The following HSPA12A variants were observed in gnomAD, a reference collection of about 807,000 sequenced individuals.
HSPA12A encodes the protein heat shock protein family A (Hsp70) member 12A, also known as heat shock 70 kDa protein 12A.
A neutral mutation model predicts 69.2 loss-of-function variants in HSPA12A; 28 were observed. The ratio of observed to expected loss-of-function variants is 0.40; its 90% CI spans 0.30 to 0.55. HSPA12A has a LOEUF of 0.55. Ranked by LOEUF, HSPA12A falls within the 20% of genes least tolerant of loss-of-function variation. The pLI, the probability that HSPA12A is intolerant of heterozygous loss-of-function variation, is 0.38. For synonymous variants in HSPA12A, 345 were observed against 370.5 expected (o/e 0.93, Z 0.79); for missense variants, 686 against 900.7 (o/e 0.76, Z 3.05).
upstream of HSPA12A, among the ~76,000 whole-genome samples, chr10:116,745,779 G>A (rs1273871248): frequency 1.3e-5 from 2 of 152,022 alleles, no homozygotes; most frequent in African/African-American, 4.8e-5. Flanking sequence ...ATCACATGAG[G>A]CCCCTCCTCT....
At chr10:116,835,080 T>C (rs1845685144) in intron 1 of HSPA12A, 1 of 1,109,812 alleles carries the variant, frequency 9.0e-7, no homozygotes, top group African/African-American at 1.6e-5. Context: ...TCCATGTTGC[T>C]CTTAAGTCGC....
At chr10:116,737,485 G>C (rs1851350451) in intron 1 of HSPA12A, among the ~76,000 whole-genome samples, 2 of 152,174 alleles carry the variant, frequency 1.3e-5, no homozygotes, top group South Asian at 4.1e-4. Context: ...CATCCGTCTT[G>C]AGGCCCGGAT....
chr10:116,807,754 T>A (rs1238775679), intron 2 of HSPA12A, among the ~76,000 whole-genome samples: 2 of 152,210 alleles, frequency 1.3e-5, no homozygotes, highest in Non-Finnish European at 2.9e-5. Context: ...CTGCAGCCGT[T>A]CAGCCCCAAT....
chr10:116,707,245 A>T lies in HSPA12A; in HGVS notation c.81T>A (p.Ser27Arg). The T allele has an allele frequency of 1.2e-6, 2 of 1,612,992 alleles. No homozygotes were observed. The highest frequency in any genetic ancestry group is 1.7e-6 in the Non-Finnish European group (2 of 1,179,746). Residue 27 changes from serine to arginine, a missense_variant, in exon 2 of 12, where the codon AGT (serine) becomes AGA (arginine). Physicochemically the swap from Ser to Arg is moderately radical, Grantham distance 110. Coordinates refer to ENST00000369209, the MANE Select transcript of HSPA12A (RefSeq NM_025015.3). ...GAGGCGTTATTCCTGTGTCCCCAAG[A>T]CTCCGGGCTGGAGATGAATATGCAG... is the stretch of plus-strand genomic sequence containing the variant. ...PTSAYSSPAR[S>R]LGDTGITPLS...
chr10:116,822,986 G>A (rs961495576), intron 2 of HSPA12A, among the ~76,000 whole-genome samples: 1 of 152,216 alleles, frequency 6.6e-6, no homozygotes, highest in African/African-American at 2.4e-5. Flanking sequence ...TTGTTGACAT[G>A]AGTCAATGGT....
chr10:116,750,951 T>C (rs1294025187), intron 2 of HSPA12A, among the ~76,000 whole-genome samples: 1 of 149,608 alleles, frequency 6.7e-6, no homozygotes, highest in Non-Finnish European at 1.5e-5. Context: ...CCAACTTGAG[T>C]GACAGAGCAA....
intron 5 of HSPA12A, among the ~76,000 whole-genome samples, chr10:116,696,296 C>G (rs1006437112): frequency 6.6e-6 from 1 of 152,178 alleles, no homozygotes; most frequent in Admixed American, 6.5e-5. Context: ...CCACCCAAAT[C>G]TCACCTTGAA....
chr10:116,715,939 C>G (rs1850588686), intron 1 of HSPA12A, among the ~76,000 whole-genome samples: 1 of 152,172 alleles, frequency 6.6e-6, no homozygotes, highest in Non-Finnish European at 1.5e-5. Flanking sequence ...GCTGGTCGGC[C>G]CAGTAGACCA....
At chr10:116,716,298 C>G (rs1228322122) in intron 1 of HSPA12A, among the ~76,000 whole-genome samples, 5 of 152,160 alleles carry the variant, frequency 3.3e-5, no homozygotes, top group Admixed American at 6.5e-5. Context: ...GATCCCAATG[C>G]CATATGGGAG....
chr10:116,691,422 G>A (rs1849734935), intron 6 of HSPA12A, among the ~76,000 whole-genome samples: 3 of 152,174 alleles, frequency 2.0e-5, no homozygotes, highest in Admixed American at 2.0e-4. Context: ...TCAGAGGTAC[G>A]TCTCCTGGGA....
intron 1 of HSPA12A, chr10:116,849,424 G>A (rs1845983548): frequency 8.4e-7 from 1 of 1,195,952 alleles, no homozygotes; most frequent in South Asian, 2.0e-5. Context: ...CCAATAAAAG[G>A]GAACGACTTT....
chr10:116,687,708 A>G (rs527762685), intron 6 of HSPA12A, among the ~76,000 whole-genome samples: 3 of 152,260 alleles, frequency 2.0e-5, no homozygotes, highest in Non-Finnish European at 1.5e-5. Flanking sequence ...CAGCAAACCT[A>G]TGGGTCTGTT....
intron 10 of HSPA12A, 38 bp from the exon 11 acceptor site, chr10:116,676,540 G>T: frequency 6.7e-7 from 1 of 1,492,756 alleles, no homozygotes; most frequent in Non-Finnish European, 9.3e-7. Flanking sequence ...AGGCAGTGAG[G>T]GTCTACACGA....
chr10:116,696,022 A>AAAAAAAAAAAAAAAAAAC (rs1554880844), intron 5 of HSPA12A, among the ~76,000 whole-genome samples: 2 of 148,470 alleles, frequency 1.3e-5, no homozygotes, highest in Non-Finnish European at 3.0e-5. Flanking sequence ...AAAAAAAAAA[A>AAAAAAAAAAAAAAAAAAC]AGGCTTGCAG....
chr10:116,702,064 G>A (rs969095335), intron 3 of HSPA12A, among the ~76,000 whole-genome samples: 4 of 151,910 alleles, frequency 2.6e-5, no homozygotes, highest in Admixed American at 1.3e-4. Flanking sequence ...AGCTATGATC[G>A]CATCACTGCA....
At chr10:116,742,349 G>T in intron 1 of HSPA12A, 81 bp downstream of exon 1, 2 of 1,332,014 alleles carry the variant, frequency 1.5e-6, no homozygotes, top group Non-Finnish European at 9.7e-7. Flanking sequence ...CGCGCGAGGG[G>T]GTGCGGAGCG....
At chr10:116,825,211 T>TA (rs566833209) in intron 2 of HSPA12A, among the ~76,000 whole-genome samples, 162 of 146,412 alleles carry the variant, frequency 1.1e-3, no homozygotes, top group Admixed American at 3.0e-3. Context: ...TAAGTAAATT[T>TA]AAAAAAAAAA....
Position 116,675,279 on chromosome 10 carries a change from C to T in HSPA12A, c.1530G>A (p.Val510=). Reference sequence around the variant, plus strand: ...CGGCACCCTTGAGGATGGTGAGGCCCACGTCCTGGGGGATGATGATCCGGC... The same window carrying T: ...CGGCACCCTTGAGGATGGTGAGGCCTACGTCCTGGGGGATGATGATCCGGC... ...DQCRIIIPQD[V]GLTILKGAVL... is the part of the protein sequence containing the mutation. Residue 510 remains valine, a synonymous_variant, in exon 12 of 12, where the codon GTG becomes GTA. Coordinates refer to ENST00000369209, the MANE Select transcript of HSPA12A (RefSeq NM_025015.3). This position sits in a 1 kb window ranked among gnomAD's most constrained non-coding sequence, Gnocchi z 5.2. The T allele has an allele frequency of 6.2e-7, 1 of 1,613,624 alleles. No homozygotes were observed. Among genetic ancestry groups the T allele is most frequent in the Admixed American group, 1.7e-5 (1 of 60,022 alleles).
chr10:116,771,205 T>C (rs1454887706), intron 2 of HSPA12A, among the ~76,000 whole-genome samples: 6 of 152,186 alleles, frequency 3.9e-5, no homozygotes, highest in Admixed American at 3.9e-4. Context: ...GCCTCCAACA[T>C]AGGGCCTGAC....
Sources: gnomAD v4.1 joint callset for allele counts (sites outside exome capture counted in the v4.1 genomes callset) on GRCh38, gnomAD v4.1.1 for gene constraint, Gnocchi (gnomAD v3.1) non-coding constraint, MANE v1.5 for transcripts, NCBI Gene and HGNC (gene_info 2026-07-23, HGNC 2026-07-21) for gene names.